The following SIPA1L3 variants were observed in gnomAD, a reference collection of about 807,000 sequenced individuals.
SIPA1L3 encodes signal induced proliferation associated 1 like 3, also known as signal-induced proliferation-associated 1-like protein 3.
Under a neutral mutation model 150.1 loss-of-function variants are expected in SIPA1L3, and 59 were observed. The ratio of observed to expected loss-of-function variants is 0.39; its 90% CI spans 0.32 to 0.49. The LOEUF (loss-of-function observed/expected upper bound fraction) is 0.49, where lower values mean the gene tolerates loss of function less well. SIPA1L3 is among the 20% of genes least tolerant of loss of function. SIPA1L3 has a pLI of 0.86. For missense variants in SIPA1L3, 2,211 were observed against 2,489.5 expected, an observed-to-expected ratio of 0.89 and a Z score of 2.38; for synonymous variants, 1,070 against 1,077.6, an observed-to-expected ratio of 0.99 and a Z score of 0.14.
chr19:38,035,710 AGATGATAATGAGAT>A (rs1420417770), intron 2 of SIPA1L3, among the ~76,000 whole-genome samples: 1 of 152,120 alleles, frequency 6.6e-6, no homozygotes, highest in Admixed American at 6.6e-5. Flanking sequence ...GTCGCATAAT[AGATGATAATGAGAT>A]GATGATGATG....
chr19:38,169,243 G>A (rs909380247), intron 15 of SIPA1L3, among the ~76,000 whole-genome samples: 7 of 152,086 alleles, frequency 4.6e-5, no homozygotes, highest in African/African-American at 1.7e-4. Flanking sequence ...ACAAAAATTA[G>A]CCAGGCGTGG....
chr19:38,112,280 A>G (rs1213434604), intron 8 of SIPA1L3, among the ~76,000 whole-genome samples: 1 of 151,770 alleles, frequency 6.6e-6, no homozygotes, highest in African/African-American at 2.4e-5. Flanking sequence ...ACATATGCAC[A>G]CACATATGCA....
intron 9 of SIPA1L3, among the ~76,000 whole-genome samples, chr19:38,126,002 T>G (rs2145909971): frequency 6.6e-6 from 1 of 152,148 alleles, no homozygotes; most frequent in Admixed American, 6.5e-5. Context: ...TGAAACCCCA[T>G]CTCTACTAAA....
intron 1 of SIPA1L3, among the ~76,000 whole-genome samples, chr19:37,990,970 C>G (rs833908): frequency 0.74 from 112,202 of 152,070 alleles, 41,653 homozygotes; most frequent in East Asian, 0.97. Context: ...CGGTGGCTCA[C>G]GCTTGTAATC....
chr19:37,928,626 G>T (rs1365815038), intron 1 of SIPA1L3, among the ~76,000 whole-genome samples: 1 of 152,086 alleles, frequency 6.6e-6, no homozygotes, highest in Non-Finnish European at 1.5e-5. Flanking sequence ...CAGAGGGCTA[G>T]GTAAAACACA....
chr19:37,970,264 G>A (rs1966899391), intron 1 of SIPA1L3, among the ~76,000 whole-genome samples: 1 of 152,222 alleles, frequency 6.6e-6, no homozygotes, highest in Admixed American at 6.5e-5. Context: ...TATTAGTGAT[G>A]CCCAAAGTGA....
In SIPA1L3 at chr19:37,956,486, TG is replaced by T. The variant is rs1455799759; in HGVS notation, c.-379+49129del. 2.3e-5 allele frequency among the ~76,000 whole-genome samples: 3 copies of T among 132,752 alleles called. 1 individual carries two copies. Among genetic ancestry groups the T allele is most frequent in the Admixed American group, 7.7e-5 (1 of 12,980 alleles). The allele number at this position is 132,752 out of a possible 152,430, so 87.1% of individuals were successfully genotyped here. A position where few individuals can be genotyped will look rare whatever the true frequency, so the allele number is the denominator to read the frequency against. On this transcript the variant is annotated intron_variant, in intron 1 of 21. Coordinates refer to ENST00000222345, the MANE Select transcript of SIPA1L3 (RefSeq NM_015073.3). The stretch of plus-strand genomic sequence containing the variant: ...CATGCCTTTGGAAGTATAAAAGTTT[TG>T]TTTTTTTTTTTTTTTGAGACTGAGT...
At chr19:37,948,575 G>A (rs1184192119) in intron 1 of SIPA1L3, among the ~76,000 whole-genome samples, 1 of 152,166 alleles carries the variant, frequency 6.6e-6, no homozygotes, top group Non-Finnish European at 1.5e-5. Flanking sequence ...GTTCCCAGGA[G>A]GTGTGCTTAG....
intron 8 of SIPA1L3, among the ~76,000 whole-genome samples, chr19:38,112,477 C>T (rs1036492855): frequency 2.0e-5 from 3 of 152,186 alleles, no homozygotes; most frequent in East Asian, 1.9e-4. Context: ...CCCTCCCTTC[C>T]GGGCTCGCCT....
chr19:38,060,064 C>T (rs564585482), intron 2 of SIPA1L3, among the ~76,000 whole-genome samples: 2 of 152,302 alleles, frequency 1.3e-5, no homozygotes, highest in African/African-American at 4.8e-5. Flanking sequence ...CATGAGCCAC[C>T]GCACGTGACC....
intron 6 of SIPA1L3, 147 bp downstream of exon 6, chr19:38,101,373 G>T: frequency 1.8e-6 from 1 of 543,892 alleles, no homozygotes; most frequent in South Asian, 3.1e-5. Context: ...AATAAGTGCA[G>T]CCACTTTATT....
chr19:37,972,632 A>G (rs2145596585), intron 1 of SIPA1L3, among the ~76,000 whole-genome samples: 1 of 152,282 alleles, frequency 6.6e-6, no homozygotes, highest in Middle Eastern at 3.4e-3. Flanking sequence ...TGAGCCCAGG[A>G]TTTTGAGGCT....
At chr19:38,070,188 A>T (rs1369966306) in intron 2 of SIPA1L3, among the ~76,000 whole-genome samples, 5 of 92,348 alleles carry the variant, frequency 5.4e-5, no homozygotes, top group Admixed American at 1.1e-4. Flanking sequence ...AGTGATCTTC[A>T]GTCCTATCTA....
At chr19:38,119,145 A>C (rs940908115) in intron 8 of SIPA1L3, among the ~76,000 whole-genome samples, 161 bp from the exon 9 acceptor site, 1 of 152,186 alleles carries the variant, frequency 6.6e-6, no homozygotes, top group Non-Finnish European at 1.5e-5. Flanking sequence ...GCAGTGCGCT[A>C]TGATTGCACC....
At chr19:38,060,528 G>C (rs1056458789) in intron 2 of SIPA1L3, among the ~76,000 whole-genome samples, 1 of 152,182 alleles carries the variant, frequency 6.6e-6, no homozygotes, top group Admixed American at 6.5e-5. Flanking sequence ...CAGTTTGGGA[G>C]CCCCAGTGGT....
chr19:37,938,359 T>C (rs1229154536), intron 1 of SIPA1L3, among the ~76,000 whole-genome samples: 2 of 152,234 alleles, frequency 1.3e-5, no homozygotes, highest in African/African-American at 4.8e-5. Flanking sequence ...GATTGTAGGT[T>C]GTGATCATCT....
chr19:38,188,783 C>T (rs11668822), intron 16 of SIPA1L3, among the ~76,000 whole-genome samples: 3 of 151,868 alleles, frequency 2.0e-5, no homozygotes, highest in Non-Finnish European at 4.4e-5. Context: ...ATTAGCCGGG[C>T]GTGGTGGCGG....
intron 10 of SIPA1L3, among the ~76,000 whole-genome samples, chr19:38,140,366 T>C (rs1339014523): frequency 6.6e-6 from 1 of 150,458 alleles, no homozygotes; most frequent in East Asian, 2.0e-4. Flanking sequence ...CAGGTCTCTC[T>C]GCATCTATTT....
chr19:38,111,024 GTTT>G (rs528494849), intron 8 of SIPA1L3, among the ~76,000 whole-genome samples: 2 of 138,254 alleles, frequency 1.4e-5, no homozygotes, highest in Non-Finnish European at 1.5e-5. Flanking sequence ...GTTGTTTTGG[GTTT>G]TTTTTTTTTT....
Sources: allele counts gnomAD v4.1 joint callset (sites outside exome capture counted in the v4.1 genomes callset), GRCh38; gene constraint gnomAD v4.1.1; transcripts MANE v1.5; gene names NCBI Gene and HGNC (gene_info 2026-07-23, HGNC 2026-07-21).